EAF2: variants seen among roughly 807,000 people sequenced by gnomAD.
The protein encoded by EAF2 is ELL associated factor 2, also known as ELL-associated factor 2.
In EAF2, 29 loss-of-function variants were observed where a neutral mutation model predicts 29.4. That is an observed-to-expected ratio of 0.99 (90% CI 0.73 to 1.35). EAF2 has a LOEUF of 1.35. Ranked by LOEUF, EAF2 falls within the 40% of genes most tolerant of loss-of-function variation. EAF2 has a pLI of 0.00. For missense variants in EAF2, 292 were observed against 312.0 expected (o/e 0.94, Z 0.48); for synonymous variants, 103 against 102.5 (o/e 1.00, Z -0.03).
chr3:121,860,467 A>G (rs1708806309), intron 4 of EAF2, among the ~76,000 whole-genome samples: 1 of 152,082 alleles, frequency 6.6e-6, no homozygotes, highest in Non-Finnish European at 1.5e-5. Flanking sequence ...AGAGGTGTTT[A>G]TAGTATTCTC....
chr3:121,837,378 A>G (rs994208980), intron 1 of EAF2: 1 of 152,156 alleles, frequency 6.6e-6, no homozygotes, highest in African/African-American at 2.4e-5. Flanking sequence ...CCAACCCTCA[A>G]GCCAATGTCA....
chr3:121,859,920 T>C (rs2107524244), intron 4 of EAF2, among the ~76,000 whole-genome samples: 1 of 152,336 alleles, frequency 6.6e-6, no homozygotes, highest in East Asian at 1.9e-4. Flanking sequence ...TCTGCATCTA[T>C]TGAGATAATT....
intron 4 of EAF2, among the ~76,000 whole-genome samples, chr3:121,872,291 A>G (rs1395928637): frequency 6.6e-6 from 1 of 151,908 alleles, no homozygotes; most frequent in Non-Finnish European, 1.5e-5. Context: ...CTTAAGTACA[A>G]TGGTTTAAAT....
chr3:121,856,583 ATGAT>A (rs1269417054), intron 3 of EAF2, among the ~76,000 whole-genome samples: 19 of 152,220 alleles, frequency 1.2e-4, no homozygotes, highest in African/African-American at 4.3e-4. Flanking sequence ...CTGGGCTCAA[ATGAT>A]CCTCCCACAG....
chr3:121,844,393 A>G, intron 1 of EAF2, 60 bp from the exon 2 acceptor site: 1 of 1,053,864 alleles, frequency 9.5e-7, no homozygotes, highest in South Asian at 1.4e-5. Flanking sequence ...ACATGCTCAT[A>G]ATTTTTATAT....
chr3:121,879,751 C>CT (rs1709161313), intron 5 of EAF2, among the ~76,000 whole-genome samples: 1 of 151,604 alleles, frequency 6.6e-6, no homozygotes, highest in African/African-American at 2.4e-5. Flanking sequence ...TCTCTGGGTT[C>CT]TCTATTCTGT....
intron 1 of EAF2, chr3:121,836,765 T>C (rs745312344): frequency 1.5e-4 from 150 of 987,568 alleles, no homozygotes; most frequent in Non-Finnish European, 1.7e-4. Flanking sequence ...TCAAATAGTA[T>C]CTACTCTCTC....
chr3:121,877,754 T>TTTAA (rs1182435003), intron 5 of EAF2, among the ~76,000 whole-genome samples: 8 of 151,976 alleles, frequency 5.3e-5, no homozygotes, highest in African/African-American at 1.9e-4. Context: ...GAATAGGAAA[T>TTTAA]TTAATTAATT....
rs547634770 is a variant in EAF2 at position 121,865,959 on chromosome 3, A to T, written c.485-6578A>T. ...TGCCCCCCTGCCCTATTAACCTAAG[A>T]TTCTTCTCTCTCATCTAAAGACATC... On this transcript the variant is annotated intron_variant, in intron 4 of 5. Coordinates refer to ENST00000273668, the MANE Select transcript of EAF2 (RefSeq NM_018456.6). Among the ~76,000 whole-genome samples the T allele has an allele frequency of 3.9e-4, 59 of 152,206 alleles. No homozygotes were observed. In the South Asian group the frequency reaches 9.1e-3, roughly 24 times the overall value.
Position 121,882,652 on chromosome 3 carries a change from T to C in EAF2, c.737-3690T>C, listed in dbSNP as rs148558541. On this transcript the variant is annotated intron_variant, in intron 5 of 5. Transcript: ENST00000273668. ...TTTGTAGGAATGTAAATTATCTACA[T>C]AGGAAATCCAAAAGAATCAGCAAAC... Among the ~76,000 whole-genome samples, 42 of 152,152 alleles carry C rather than the reference T, an allele frequency of 2.8e-4. No homozygotes were observed. In the East Asian group the frequency reaches 7.5e-3, roughly 27 times the overall value.
At chr3:121,835,644 G>GA (rs1268201579) in intron 1 of EAF2, among the ~76,000 whole-genome samples, 3 of 152,152 alleles carry the variant, frequency 2.0e-5, no homozygotes, top group Middle Eastern at 3.2e-3. Context: ...GGGAAAGTGT[G>GA]AAAAAAGTCT....
At chr3:121,859,076 T>C (rs777581119) in intron 4 of EAF2, among the ~76,000 whole-genome samples, 1 of 152,210 alleles carries the variant, frequency 6.6e-6, no homozygotes, top group Non-Finnish European at 1.5e-5. Flanking sequence ...ACTGTAGCCT[T>C]GCAGTATAGT....
chr3:121,863,638 C>G (rs1253588696), intron 4 of EAF2, among the ~76,000 whole-genome samples: 1 of 152,156 alleles, frequency 6.6e-6, no homozygotes. Flanking sequence ...TCCCCGACCC[C>G]TCGCACTTCC....
intron 5 of EAF2, among the ~76,000 whole-genome samples, chr3:121,879,004 G>A (rs986393321): frequency 2.6e-5 from 4 of 151,950 alleles, no homozygotes; most frequent in African/African-American, 9.7e-5. Flanking sequence ...ATTCCCACAA[G>A]CATTCCCTTT....
At chr3:121,835,430 CGGGA>C (rs757935217) in intron 1 of EAF2, 39 bp downstream of exon 1, 2 of 1,578,976 alleles carry the variant, frequency 1.3e-6, no homozygotes, top group Non-Finnish European at 1.7e-6. Context: ...GGGAGCCTCC[CGGGA>C]TGGGGGTGAA....
chr3:121,855,447 A>G lies in EAF2; in HGVS notation c.338+624A>G, dbSNP rs183173067. Reference sequence around the variant, plus strand: ...AAATTCAGGGAGGCCTTTTTGATGTACCTTAAGAGGAGGTTAGGATCATAA... The same window carrying G: ...AAATTCAGGGAGGCCTTTTTGATGTGCCTTAAGAGGAGGTTAGGATCATAA... On this transcript the variant is annotated intron_variant, in intron 3 of 5. Coordinates refer to ENST00000273668, the MANE Select transcript of EAF2 (RefSeq NM_018456.6). 3.3e-5 allele frequency among the ~76,000 whole-genome samples: 5 copies of G among 152,292 alleles called. No individual in the cohort carries two copies. The East Asian group carries it at 9.7e-4, about 29-fold the overall frequency.
chr3:121,884,489 G>A (rs1005129846), intron 5 of EAF2, among the ~76,000 whole-genome samples: 8 of 151,128 alleles, frequency 5.3e-5, no homozygotes, highest in Non-Finnish European at 1.0e-4. Context: ...GTGCAGTGGC[G>A]TGATCTCGGC....
At chr3:121,839,038 T>G (rs886467096) in intron 1 of EAF2, among the ~76,000 whole-genome samples, 1 of 152,180 alleles carries the variant, frequency 6.6e-6, no homozygotes, top group East Asian at 1.9e-4. Context: ...AGATTAAAAT[T>G]GATAGTATAT....
At chr3:121,871,155 A>T (rs1452866482) in intron 4 of EAF2, among the ~76,000 whole-genome samples, 1 of 151,644 alleles carries the variant, frequency 6.6e-6, no homozygotes, top group Non-Finnish European at 1.5e-5. Flanking sequence ...TGGGTAACTA[A>T]CTTGTGGTAT....
Sources: gnomAD v4.1 joint callset for allele counts (sites outside exome capture counted in the v4.1 genomes callset) on GRCh38, gnomAD v4.1.1 for gene constraint, MANE v1.5 for transcripts, NCBI Gene and HGNC (gene_info 2026-07-23, HGNC 2026-07-21) for gene names.